Variants in ARHGAP31 observed in about 807,000 individuals in gnomAD.
ARHGAP31 encodes the protein rho GTPase-activating protein 31.
A neutral mutation model predicts 113.9 loss-of-function variants in ARHGAP31; 34 were observed. The observed-to-expected ratio is 0.30, with a 90% CI of 0.23 to 0.40. The LOEUF (loss-of-function observed/expected upper bound fraction) is 0.40. Among genes scored for constraint, ARHGAP31 ranks in the 10% least tolerant of loss-of-function variants. The probability of loss-of-function intolerance (pLI) is 1.00; values close to 1 mark genes in which losing one functional copy is unlikely to be tolerated. For synonymous variants in ARHGAP31, 650 were observed against 684.8 expected, an observed-to-expected ratio of 0.95 and a Z score of 0.79; for missense variants, 1,548 against 1,767.1, an observed-to-expected ratio of 0.88 and a Z score of 2.22.
intron 1 of ARHGAP31, among the ~76,000 whole-genome samples, chr3:119,310,597 A>G (rs1305759174): frequency 1.3e-5 from 2 of 152,198 alleles, no homozygotes; most frequent in African/African-American, 4.8e-5. Context: ...CGAGGGATTT[A>G]GGTTGCAGGT....
chr3:119,348,087 G>A (rs1293108875), intron 1 of ARHGAP31, among the ~76,000 whole-genome samples: 1 of 152,206 alleles, frequency 6.6e-6, no homozygotes, highest in Admixed American at 6.5e-5. Context: ...GCAAAGCTGA[G>A]CTCCACCTCC....
intron 1 of ARHGAP31, among the ~76,000 whole-genome samples, chr3:119,315,858 T>C (rs1251479976): frequency 6.6e-6 from 1 of 152,182 alleles, no homozygotes; most frequent in African/African-American, 2.4e-5. Flanking sequence ...ACAGAGAACT[T>C]GCCAAAATGT....
In ARHGAP31 at chr3:119,382,364, G is replaced by A; in HGVS notation, c.504G>A (p.Arg168=). 6.2e-7 allele frequency: 1 copy of A among 1,614,106 alleles called. No homozygotes were observed. The highest frequency in any genetic ancestry group is 8.5e-7 in the Non-Finnish European group (1 of 1,180,010). ...GCAGCAAGACCAACATGCACGCCCG[G>A]AACCTGGCCCTGGTGTGGGCGCCAA... is the stretch of plus-strand genomic sequence containing the variant. ...SFSSKTNMHA[R]NLALVWAPNL... Residue 168 remains arginine (R), a synonymous_variant, in exon 5 of 12, where the codon CGG becomes CGA. Transcript: ENST00000264245.
chr3:119,380,255 A>T (rs2080384531), intron 3 of ARHGAP31, among the ~76,000 whole-genome samples: 1 of 152,094 alleles, frequency 6.6e-6, no homozygotes, highest in Admixed American at 6.5e-5. Flanking sequence ...TGAGTCCTTG[A>T]GGTCATGGGG....
intron 6 of ARHGAP31, among the ~76,000 whole-genome samples, chr3:119,389,559 T>C: frequency 6.6e-6 from 1 of 152,186 alleles, no homozygotes; most frequent in East Asian, 1.9e-4. Flanking sequence ...TCCTACTGAA[T>C]TAGTGCCATC....
At chr3:119,403,070 T>G (rs951543520) in intron 10 of ARHGAP31, among the ~76,000 whole-genome samples, 1 of 152,174 alleles carries the variant, frequency 6.6e-6, no homozygotes, top group Non-Finnish European at 1.5e-5. Context: ...TGAAGAGAGT[T>G]TCTTTAATTA....
chr3:119,331,148 G>A (rs1232283441), intron 1 of ARHGAP31, among the ~76,000 whole-genome samples: 3 of 152,170 alleles, frequency 2.0e-5, no homozygotes, highest in African/African-American at 7.2e-5. Flanking sequence ...ATGAGTTCCA[G>A]GGGTGCTTGG....
At chr3:119,385,232 G>GTTTT (rs113712219) in intron 6 of ARHGAP31, among the ~76,000 whole-genome samples, 1 of 149,194 alleles carries the variant, frequency 6.7e-6, no homozygotes, top group Non-Finnish European at 1.5e-5. Context: ...CTAGCTGACT[G>GTTTT]TTTTTTTTTT....
intron 2 of ARHGAP31, among the ~76,000 whole-genome samples, chr3:119,366,411 A>G (rs1416703059): frequency 6.6e-6 from 1 of 152,058 alleles, no homozygotes; most frequent in Non-Finnish European, 1.5e-5. Flanking sequence ...AAATTATACC[A>G]AAAAAATAGA....
chr3:119,340,483 A>G (rs2079998447), intron 1 of ARHGAP31, among the ~76,000 whole-genome samples: 1 of 152,224 alleles, frequency 6.6e-6, no homozygotes, highest in Admixed American at 6.5e-5. Flanking sequence ...CCAATTAGAT[A>G]TAGGAGTAGC....
chr3:119,366,961 G>C (rs2080256772), intron 2 of ARHGAP31, among the ~76,000 whole-genome samples: 2 of 152,060 alleles, frequency 1.3e-5, no homozygotes, highest in Non-Finnish European at 2.9e-5. Context: ...AATTAGCCGG[G>C]TGTGGTGATG....
chr3:119,376,056 T>C (rs1428780182), intron 3 of ARHGAP31, among the ~76,000 whole-genome samples: 1 of 152,148 alleles, frequency 6.6e-6, no homozygotes, highest in African/African-American at 2.4e-5. Flanking sequence ...TTGGTTAAAT[T>C]GTAAGCTTCC....
At chr3:119,336,237 A>C (rs1227837255) in intron 1 of ARHGAP31, among the ~76,000 whole-genome samples, 1 of 152,260 alleles carries the variant, frequency 6.6e-6, no homozygotes, top group African/African-American at 2.4e-5. Context: ...TCATTTAACT[A>C]TAAAAGGTTT....
intron 4 of ARHGAP31, among the ~76,000 whole-genome samples, chr3:119,381,956 A>C (rs368566428): frequency 1.0e-3 from 145 of 145,550 alleles, no homozygotes; most frequent in African/African-American, 3.4e-3. Flanking sequence ...ACTGCACTCC[A>C]GCCTGGGCGA....
rs374724939 is a variant in ARHGAP31, at chr3:119,304,028, T to G, written c.100+9024T>G. Among the ~76,000 whole-genome samples, 555 of 152,214 alleles carry G rather than the reference T, an allele frequency of 3.6e-3. 2 individuals carry two copies. Among genetic ancestry groups the G allele is most frequent in the African/African-American group, 0.012 (493 of 41,542 alleles). ...CCAGGCTGGTCTCAAACTCCTGACCTCGTGATCCGCCTGCCTCAGCCTCCC... is the reference window on the plus strand; with the variant it reads ...CCAGGCTGGTCTCAAACTCCTGACCGCGTGATCCGCCTGCCTCAGCCTCCC... On this transcript the variant is annotated intron_variant, in intron 1 of 11. Coordinates refer to ENST00000264245, the MANE Select transcript of ARHGAP31 (RefSeq NM_020754.4).
At chr3:119,349,243 C>A (rs938913013) in intron 1 of ARHGAP31, among the ~76,000 whole-genome samples, 1 of 152,140 alleles carries the variant, frequency 6.6e-6, no homozygotes, top group Non-Finnish European at 1.5e-5. Context: ...TACATCTTAT[C>A]CCTCAAGTAT....
chr3:119,329,836 C>T, intron 1 of ARHGAP31: 1 of 985,484 alleles, frequency 1.0e-6, no homozygotes. Context: ...AGTCTGTCCG[C>T]ACTGTCCCCA....
chr3:119,329,083 TG>T (rs750990161), intron 1 of ARHGAP31, among the ~76,000 whole-genome samples: 3 of 152,228 alleles, frequency 2.0e-5, no homozygotes, highest in Non-Finnish European at 4.4e-5. Flanking sequence ...AGCCATCTCG[TG>T]TACCTTGGAA....
intron 9 of ARHGAP31, among the ~76,000 whole-genome samples, chr3:119,399,542 A>G (rs558599576): frequency 6.6e-5 from 10 of 152,382 alleles, no homozygotes; most frequent in African/African-American, 2.4e-4. Context: ...AACCTGAACC[A>G]GGTAAAAGGT....
Sources: allele counts gnomAD v4.1 joint callset (sites outside exome capture counted in the v4.1 genomes callset), GRCh38; gene constraint gnomAD v4.1.1; transcripts MANE v1.5; gene names NCBI Gene and HGNC (gene_info 2026-07-23, HGNC 2026-07-21).